The following PPA1 variants were observed in gnomAD, a reference collection of about 807,000 sequenced individuals.
The protein encoded by PPA1 is inorganic pyrophosphatase.
Under a neutral mutation model 41.8 loss-of-function variants are expected in PPA1, and 23 were observed. That is an observed-to-expected ratio of 0.55 (90% CI 0.40 to 0.78). The LOEUF (loss-of-function observed/expected upper bound fraction) is 0.78, where lower values mean the gene tolerates loss of function less well. Ranked by LOEUF, PPA1 falls within the 30% of genes least tolerant of loss-of-function variation. PPA1 has a pLI of 0.00. For missense variants in PPA1, 320 were observed against 361.6 expected (o/e 0.89, Z 0.93); for synonymous variants, 101 against 116.8 (o/e 0.86, Z 0.87).
chr10:70,209,987 G>A, intron 6 of PPA1: 1 of 349,582 alleles, frequency 2.9e-6, no homozygotes, highest in African/African-American at 2.2e-5. Flanking sequence ...TTAGGTAAGG[G>A]CAAACAGCTG....
chr10:70,213,314 C>T (rs1246738519), intron 6 of PPA1, 149 bp downstream of exon 6: 1 of 852,210 alleles, frequency 1.2e-6, no homozygotes, highest in East Asian at 2.9e-5. Context: ...ATTACAAGTG[C>T]AGTCATAGAA....
intron 4 of PPA1, among the ~76,000 whole-genome samples, chr10:70,215,248 T>C (rs1840066316): frequency 6.6e-6 from 1 of 151,932 alleles, no homozygotes; most frequent in South Asian, 2.1e-4. Flanking sequence ...CAAAAATGTG[T>C]GGTTTTTTTC....
chr10:70,217,475 C>T (rs950117578), intron 4 of PPA1, among the ~76,000 whole-genome samples: 2 of 152,106 alleles, frequency 1.3e-5, no homozygotes, highest in African/African-American at 4.8e-5. Flanking sequence ...TGCCAAAAAT[C>T]AGTGCTTTTG....
chr10:70,232,585 T>A (rs7073059), intron 1 of PPA1, among the ~76,000 whole-genome samples: 138,470 of 152,196 alleles, frequency 0.91, 63,099 homozygotes, highest in East Asian at 1. Flanking sequence ...TTTCTCAGTC[T>A]TGTTTCCAGA....
chr10:70,206,399 A>AT lies in PPA1; in HGVS notation c.726-67dup, dbSNP rs1206181738. The AT allele has an allele frequency of 8.1e-6, 10 of 1,240,446 alleles. No individual in the cohort carries two copies. In the African/African-American group the frequency reaches 1.5e-4, roughly 19 times the overall value. 76.8% of individuals were successfully genotyped at this position (1,240,446 alleles called of 1,614,324 possible). A position where few individuals can be genotyped will look rare whatever the true frequency, so the allele number is the denominator to read the frequency against. Reference sequence around the variant, plus strand: ...AAAATTATCTCTTAAGAGTTAAAAAATGAGTTGAAAGTGGTTGACCAGGTG... The same window carrying AT: ...AAAATTATCTCTTAAGAGTTAAAAAATTGAGTTGAAAGTGGTTGACCAGGTG... On this transcript the variant is annotated intron_variant, in intron 8 of 10. Transcript: ENST00000373232.
intron 7 of PPA1, 92 bp from the exon 8 acceptor site, chr10:70,209,382 T>C (rs1839989220): frequency 1.5e-6 from 2 of 1,306,358 alleles, no homozygotes; most frequent in Non-Finnish European, 2.1e-6. Context: ...TTGTCTCTTC[T>C]GAATCATTTC....
intron 8 of PPA1, among the ~76,000 whole-genome samples, chr10:70,208,116 G>A (rs892615025): frequency 6.6e-6 from 1 of 152,086 alleles, no homozygotes; most frequent in African/African-American, 2.4e-5. Flanking sequence ...CTTGAATCCG[G>A]GAAGCGGAGG....
At chr10:70,221,074 A>ATTTTT (rs1186265851) in intron 2 of PPA1, among the ~76,000 whole-genome samples, 1 of 20,828 alleles carries the variant, frequency 4.8e-5, no homozygotes, top group Non-Finnish European at 7.0e-5. Flanking sequence ...ATATATATAT[A>ATTTTT]TATTTTTTTT....
intron 2 of PPA1, among the ~76,000 whole-genome samples, chr10:70,229,452 T>C (rs1840264875): frequency 6.6e-6 from 1 of 152,176 alleles, no homozygotes; most frequent in Non-Finnish European, 1.5e-5. Flanking sequence ...AGACTTCTTT[T>C]TCCCCTAGAA....
intron 6 of PPA1, among the ~76,000 whole-genome samples, chr10:70,212,881 G>C (rs1840038057): frequency 6.7e-6 from 1 of 149,856 alleles, no homozygotes. Flanking sequence ...GATGAATCCT[G>C]AAGACACTTA....
chr10:70,221,021 A>G (rs1261228699), intron 2 of PPA1, among the ~76,000 whole-genome samples: 1 of 73,198 alleles, frequency 1.4e-5, no homozygotes, highest in African/African-American at 6.8e-5. Context: ...TATAATTTAT[A>G]TATATAATAT....
intron 8 of PPA1, 52 bp downstream of exon 8, chr10:70,209,153 T>A (rs1483694553): frequency 7.5e-7 from 1 of 1,330,742 alleles, no homozygotes; most frequent in Non-Finnish European, 1.1e-6. Context: ...TAAAACCTTT[T>A]CTGCAAGCTG....
Position 70,209,258 on chromosome 10 carries a change from A to G in PPA1, c.672T>C (p.His224=), listed in dbSNP as rs1366886131. The change falls in exon 8 of 11, where the codon CAT becomes CAC. Residue 224 remains histidine (H), a synonymous_variant. Transcript: ENST00000373232. ...TAGTCACTAATGCTTTCCAATGGTC[A>G]TGAGTGCTTTTAATAATATCAATGG... ...DFAIDIIKST[H]DHWKALVTKK... 5.6e-6 allele frequency: 9 copies of G among 1,602,584 alleles called. No homozygotes were observed. Among genetic ancestry groups the G allele is most frequent in the Non-Finnish European group, 7.7e-6 (9 of 1,170,086 alleles).
intron 1 of PPA1, 146 bp downstream of exon 1, chr10:70,233,118 G>A (rs1447999071): frequency 6.6e-6 from 6 of 906,454 alleles, no homozygotes; most frequent in Non-Finnish European, 9.3e-6. Flanking sequence ...GCAATGTGAG[G>A]CCGGCCAGGC....
At chr10:70,207,154 C>A (rs1839954909) in intron 8 of PPA1, among the ~76,000 whole-genome samples, 1 of 151,894 alleles carries the variant, frequency 6.6e-6, no homozygotes, top group South Asian at 2.1e-4. Flanking sequence ...AGAGAAATTC[C>A]ACCTCTAAGA....
chr10:70,219,409 T>C (rs990790047), intron 2 of PPA1, among the ~76,000 whole-genome samples: 3 of 152,214 alleles, frequency 2.0e-5, no homozygotes, highest in Non-Finnish European at 4.4e-5. Context: ...AAAATGTTTT[T>C]GGAGCTTCTA....
intron 2 of PPA1, among the ~76,000 whole-genome samples, chr10:70,221,446 GATA>G (rs543300821): frequency 1.1e-3 from 160 of 152,112 alleles, no homozygotes; most frequent in Non-Finnish European, 2.4e-4. Context: ...AAAGAATGGA[GATA>G]TTACTTAAAT....
At position 70,214,489 on chromosome 10, in the gene PPA1, C is replaced by T; in HGVS notation, c.384+11G>A. 1.2e-6 allele frequency: 2 copies of T among 1,605,028 alleles called. No homozygotes were observed. The highest frequency in any genetic ancestry group is 1.7e-6 in the Non-Finnish European group (2 of 1,174,450). On this transcript the variant is annotated intron_variant, in intron 5 of 10. Transcript: ENST00000373232. ...CTCAACACTAAAGAAAAAAATGTCA[C>T]ATTTCATTACCTTGCTTCCAATTTC...
In PPA1 at chr10:70,209,632, A is replaced by C. The variant is rs1334479119; in HGVS notation, c.565T>G (p.Trp189Gly). The C allele has an allele frequency of 6.2e-7, 1 of 1,605,992 alleles. No homozygotes were observed. Among genetic ancestry groups the C allele is most frequent in the Non-Finnish European group, 8.5e-7 (1 of 1,175,448 alleles). ...KPGYLEATVD[W>G]FRRYKVPDGK... is the part of the protein sequence containing the mutation. ...TCAGGAACCTTATACCTTCTAAACCAGTCCACAGTAGCTTCTAAGTAGCCA... is the reference window on the plus strand; with the variant it reads ...TCAGGAACCTTATACCTTCTAAACCCGTCCACAGTAGCTTCTAAGTAGCCA... Residue 189 changes from tryptophan to glycine, a missense_variant, in exon 7 of 11, where the codon TGG (tryptophan) becomes GGG (glycine). By Grantham distance (184) the Trp-to-Gly change is radical. Transcript: ENST00000373232.
Sources: gnomAD v4.1 joint callset for allele counts (sites outside exome capture counted in the v4.1 genomes callset) on GRCh38, gnomAD v4.1.1 for gene constraint, MANE v1.5 for transcripts, NCBI Gene and HGNC (gene_info 2026-07-23, HGNC 2026-07-21) for gene names.